NKAIN2: variants seen among roughly 807,000 people sequenced by gnomAD.
NKAIN2 encodes sodium/potassium transporting ATPase interacting 2, also known as sodium/potassium-transporting ATPase subunit beta-1-interacting protein 2.
NKAIN2 carries 14 observed loss-of-function variants against 32.6 expected under a neutral mutation model. That is an observed-to-expected ratio of 0.43 (90% CI 0.28 to 0.67). The LOEUF (loss-of-function observed/expected upper bound fraction) is 0.67, where lower values mean the gene tolerates loss of function less well. NKAIN2 is among the 30% of genes least tolerant of loss of function. The probability of loss-of-function intolerance (pLI) is 0.17; values close to 1 mark genes in which losing one functional copy is unlikely to be tolerated. For synonymous variants in NKAIN2, 80 were observed against 87.2 expected, an observed-to-expected ratio of 0.92 and a Z score of 0.46; for missense variants, 198 against 258.3, an observed-to-expected ratio of 0.77 and a Z score of 1.60.
At chr6:124,776,977 T>G (rs1187133014) in intron 4 of NKAIN2, among the ~76,000 whole-genome samples, 2 of 152,176 alleles carry the variant, frequency 1.3e-5, no homozygotes, top group Admixed American at 1.3e-4. Context: ...AAGGCTTAGA[T>G]GTTGTATTAT....
At chr6:124,634,625 A>G (rs539164807) in intron 3 of NKAIN2, among the ~76,000 whole-genome samples, 109 of 152,212 alleles carry the variant, frequency 7.2e-4, no homozygotes, top group Admixed American at 1.9e-3. Context: ...GCATTTTGGG[A>G]ATTCTAGAAA....
chr6:124,493,713 C>CG (rs1454726833), intron 3 of NKAIN2, among the ~76,000 whole-genome samples: 1 of 85,630 alleles, frequency 1.2e-5, no homozygotes, highest in African/African-American at 5.7e-5. Context: ...CCAACCCCCC[C>CG]CTCCAAAAAA....
chr6:123,840,539 G>A (rs187119688), intron 1 of NKAIN2, among the ~76,000 whole-genome samples: 3 of 152,004 alleles, frequency 2.0e-5, no homozygotes, highest in African/African-American at 2.4e-5. Context: ...TTTTAACTTC[G>A]TTATATTTTT....
rs113415837 is a variant in NKAIN2 at position 124,661,889 on chromosome 6, C to T, written c.474+3503C>T. Among the ~76,000 whole-genome samples the T allele has an allele frequency of 9.6e-3, 845 of 88,000 alleles. 3 individuals carry two copies. The highest frequency in any genetic ancestry group is 0.03 in the African/African-American group (566 of 18,890). The allele number at this position is 88,000 out of a possible 152,430, so 57.7% of individuals were successfully genotyped here. The stretch of plus-strand genomic sequence containing the variant: ...TTGTTCACGTTACAGAAAAATTAAT[C>T]GGATCCTTTCAATGTGTGATTGGAA... On this transcript the variant is annotated intron_variant, in intron 4 of 6. Transcript: ENST00000368417.
At chr6:124,652,929 G>A (rs1583586444) in intron 3 of NKAIN2, among the ~76,000 whole-genome samples, 1 of 152,098 alleles carries the variant, frequency 6.6e-6, no homozygotes, top group Admixed American at 6.6e-5. Flanking sequence ...AATTTTGGGG[G>A]ATACATTCAA....
intron 1 of NKAIN2, among the ~76,000 whole-genome samples, chr6:123,932,207 C>T (rs1175366457): frequency 6.6e-6 from 1 of 152,094 alleles, no homozygotes; most frequent in Admixed American, 6.6e-5. Context: ...GCATTTGTGA[C>T]TTGCCTTCTC....
rs140514049 is a variant in NKAIN2, at chr6:123,846,824, C to T, written c.54+42570C>T. ...ATTCTATTACCACCCCCCACGCCAC[C>T]GCCACACACACGCACGCGCGCACAC... On this transcript the variant is annotated intron_variant, in intron 1 of 6. Coordinates refer to ENST00000368417, the MANE Select transcript of NKAIN2 (RefSeq NM_001040214.3). Among the ~76,000 whole-genome samples the T allele has an allele frequency of 9.9e-5, 13 of 131,474 alleles. No individual in the cohort carries two copies. The East Asian group carries it at 2.8e-3, about 28-fold the overall frequency. 86.3% of individuals were successfully genotyped at this position (131,474 alleles called of 152,430 possible).
At chr6:124,405,411 C>T (rs770490638) in intron 3 of NKAIN2, among the ~76,000 whole-genome samples, 1 of 152,116 alleles carries the variant, frequency 6.6e-6, no homozygotes, top group African/African-American at 2.4e-5. Context: ...ATTTCCTTCC[C>T]TATCTAGAAA....
chr6:124,486,836 C>T (rs972263430), intron 3 of NKAIN2, among the ~76,000 whole-genome samples: 13 of 152,112 alleles, frequency 8.5e-5, no homozygotes, highest in Middle Eastern at 6.8e-3. Context: ...CTGCTCTGCC[C>T]GTTCCCTGAA....
At chr6:124,740,983 G>T (rs570989737) in intron 4 of NKAIN2, among the ~76,000 whole-genome samples, 1 of 151,732 alleles carries the variant, frequency 6.6e-6, no homozygotes, top group African/African-American at 2.4e-5. Context: ...TTAGACTATG[G>T]TGGCAAAGCA....
intron 3 of NKAIN2, among the ~76,000 whole-genome samples, chr6:124,504,649 A>G (rs924353398): frequency 6.6e-6 from 1 of 152,234 alleles, no homozygotes; most frequent in African/African-American, 2.4e-5. Context: ...AGAATAGAAA[A>G]CATTGAATTG....
At chr6:124,062,808 C>T (rs1047928832) in intron 1 of NKAIN2, among the ~76,000 whole-genome samples, 61 of 152,128 alleles carry the variant, frequency 4.0e-4, no homozygotes, top group African/African-American at 1.5e-3. Flanking sequence ...TGTGATAGTA[C>T]ATACTTAGTG....
chr6:124,812,235 T>C (rs1258982555), intron 5 of NKAIN2, among the ~76,000 whole-genome samples: 1 of 152,204 alleles, frequency 6.6e-6, no homozygotes, highest in Non-Finnish European at 1.5e-5. Flanking sequence ...ACTCTGTAGA[T>C]TGTCTATAAA....
chr6:123,919,176 G>A (rs1775630757), intron 1 of NKAIN2, among the ~76,000 whole-genome samples: 1 of 152,052 alleles, frequency 6.6e-6, no homozygotes, highest in Non-Finnish European at 1.5e-5. Flanking sequence ...ATTGTGTGCT[G>A]TACATTCTTT....
intron 4 of NKAIN2, among the ~76,000 whole-genome samples, chr6:124,773,678 AC>A (rs1303388800): frequency 2.0e-5 from 3 of 152,188 alleles, no homozygotes; most frequent in Non-Finnish European, 4.4e-5. Context: ...TGCTAAAATA[AC>A]CCAGGTTAAC....
intron 1 of NKAIN2, among the ~76,000 whole-genome samples, chr6:124,178,590 C>T (rs1057319697): frequency 6.6e-6 from 1 of 152,190 alleles, no homozygotes; most frequent in Non-Finnish European, 1.5e-5. Context: ...AGCCACCACA[C>T]CTGGCCGACA....
chr6:124,627,330 A>ATTT (rs1783393081), intron 3 of NKAIN2, among the ~76,000 whole-genome samples: 1 of 152,212 alleles, frequency 6.6e-6, no homozygotes, highest in African/African-American at 2.4e-5. Flanking sequence ...TGAGAAATGC[A>ATTT]TTTTTAAAAC....
chr6:124,124,400 C>T (rs890328800), intron 1 of NKAIN2, among the ~76,000 whole-genome samples: 6 of 152,170 alleles, frequency 3.9e-5, no homozygotes, highest in African/African-American at 1.4e-4. Context: ...TTAATGGGAA[C>T]TTGAATCATA....
At chr6:124,176,755 C>A (rs1003394361) in intron 1 of NKAIN2, among the ~76,000 whole-genome samples, 12 of 151,986 alleles carry the variant, frequency 7.9e-5, no homozygotes, top group African/African-American at 2.9e-4. Context: ...AATGATATTG[C>A]ATTACTAATT....
Sources: allele counts gnomAD v4.1 joint callset (sites outside exome capture counted in the v4.1 genomes callset), GRCh38; gene constraint gnomAD v4.1.1; transcripts MANE v1.5; gene names NCBI Gene and HGNC (gene_info 2026-07-23, HGNC 2026-07-21).